Variants in HAPLN2 observed in about 807,000 individuals in gnomAD.
HAPLN2 encodes hyaluronan and proteoglycan link protein 2.
A neutral mutation model predicts 29.3 loss-of-function variants in HAPLN2; 27 were observed. That is an observed-to-expected ratio of 0.92 (90% CI 0.68 to 1.27). HAPLN2 has a LOEUF of 1.27. Among genes scored for constraint, HAPLN2 ranks in the 50% most tolerant of loss-of-function variants. The pLI, the probability that HAPLN2 is intolerant of heterozygous loss-of-function variation, is 0.00. For missense variants in HAPLN2, 454 were observed against 484.3 expected, an observed-to-expected ratio of 0.94 and a Z score of 0.59; for synonymous variants, 208 against 211.7, an observed-to-expected ratio of 0.98 and a Z score of 0.15.
In HAPLN2 at chr1:156,625,320, G is replaced by A. The variant is rs1280681143; in HGVS notation, c.959G>A (p.Arg320His). The change falls in exon 7 of 7, where the codon CGC (arginine) becomes CAC (histidine). Residue 320 changes from arginine to histidine, a missense_variant. Physicochemically the swap from Arg to His is conservative, Grantham distance 29 (BLOSUM62 0). This residue lies in a region of HAPLN2 where 235 missense variants were observed against 236.9 expected (regional missense o/e 0.99). Transcript: ENST00000255039. This position sits in a 1 kb window ranked among gnomAD's most constrained non-coding sequence, Gnocchi z 5.7. ...RCGGLPDPGV[R>H]SFGFPRPQQA... ...GGGGGGCTCCCGGATCCCGGAGTGC[G>A]CAGTTTCGGCTTCCCCAGGCCCCAA... The A allele has an allele frequency of 6.3e-7, 1 of 1,592,912 alleles. No homozygotes were observed. Among genetic ancestry groups the A allele is most frequent in the Non-Finnish European group, 8.5e-7 (1 of 1,170,742 alleles).
intron 5 of HAPLN2, 53 bp downstream of exon 5, chr1:156,624,520 C>G: frequency 6.2e-7 from 1 of 1,604,294 alleles, no homozygotes; most frequent in Non-Finnish European, 8.5e-7. Flanking sequence ...TCTCAGGGGC[C>G]CGAGAGAGGG....
In HAPLN2 at chr1:156,623,033, C is replaced by CAAAAAAA. The variant is rs1207919606; in HGVS notation, c.-24-433_-24-427dup. Among the ~76,000 whole-genome samples the CAAAAAAA allele has an allele frequency of 6.3e-4, 28 of 44,236 alleles. 1 individual carries two copies. Among genetic ancestry groups the CAAAAAAA allele is most frequent in the South Asian group, 1.8e-3 (2 of 1,082 alleles). 29.0% of individuals were successfully genotyped at this position (44,236 alleles called of 152,430 possible). A position where few individuals can be genotyped will look rare whatever the true frequency, so the allele number is the denominator to read the frequency against. On this transcript the variant is annotated intron_variant, in intron 2 of 6. Transcript: ENST00000255039. ...TGGACCATGGAGCAACACTCTGTCT[C>CAAAAAAA]AAAAAAATAAATAAATAAATAAATA... is the stretch of plus-strand genomic sequence containing the variant.
the HAPLN2 span, among the ~76,000 whole-genome samples, chr1:156,609,189 A>G: frequency 6.6e-6 from 1 of 152,126 alleles, no homozygotes; most frequent in Non-Finnish European, 1.5e-5. Context: ...GATCCCCTAA[A>G]CATGCACAGG....
rs1678355506 is a variant in HAPLN2, at chr1:156,624,114, C to T, written c.393C>T (p.Ile131=). Residue 131 remains isoleucine, a synonymous_variant, in exon 4 of 7, where the codon ATC becomes ATT. Coordinates refer to ENST00000255039, the MANE Select transcript of HAPLN2 (RefSeq NM_021817.3). The part of the protein sequence containing the change: ...EDEGRYRCEL[I]NGIEDESVAL... ...AGGGCCGGTACCGCTGCGAGCTCAT[C>T]AACGGCATCGAGGACGAGAGCGTGG... The T allele has an allele frequency of 1.9e-6, 3 of 1,613,726 alleles. No individual in the cohort carries two copies. Among genetic ancestry groups the T allele is most frequent in the Non-Finnish European group, 2.5e-6 (3 of 1,179,926 alleles).
At chr1:156,622,337 C>A (rs1438650725) in intron 2 of HAPLN2, among the ~76,000 whole-genome samples, 1 of 151,840 alleles carries the variant, frequency 6.6e-6, no homozygotes, top group Non-Finnish European at 1.5e-5. Flanking sequence ...GCCTGTAGTC[C>A]CAGCTACTCA....
the HAPLN2 span, among the ~76,000 whole-genome samples, chr1:156,602,742 G>T: frequency 1.3e-5 from 2 of 151,594 alleles, no homozygotes; most frequent in Non-Finnish European, 2.9e-5. Context: ...TGCCCTGTCG[G>T]TATGAGGATG....
the HAPLN2 span, among the ~76,000 whole-genome samples, chr1:156,606,476 A>G: frequency 6.8e-6 from 1 of 147,284 alleles, no homozygotes; most frequent in African/African-American, 2.5e-5. Context: ...TCAATTTAGC[A>G]TGAAGCCCTC....
In HAPLN2 at chr1:156,623,670, A is replaced by G. The variant is rs1678331745; in HGVS notation, c.85+95A>G. 3.2e-6 allele frequency: 5 copies of G among 1,559,410 alleles called. No individual in the cohort carries two copies. The East Asian group carries it at 1.2e-4, about 37-fold the overall frequency. On this transcript the variant is annotated intron_variant, in intron 3 of 6. Transcript: ENST00000255039. Reference sequence around the variant, plus strand: ...GGGCAGTTGTTGCAGGTACCCAGGGACTGAAAGTCATTGCTGAGAAGGCAA... The same window carrying G: ...GGGCAGTTGTTGCAGGTACCCAGGGGCTGAAAGTCATTGCTGAGAAGGCAA...
chr1:156,622,253 C>T (rs965118965), intron 2 of HAPLN2, among the ~76,000 whole-genome samples: 2 of 151,992 alleles, frequency 1.3e-5, no homozygotes, highest in African/African-American at 4.8e-5. Context: ...CAAGACCAGC[C>T]TGGGCAACAT....
chr1:156,611,170 C>T, the HAPLN2 span, among the ~76,000 whole-genome samples: 6 of 151,226 alleles, frequency 4.0e-5, no homozygotes, highest in Admixed American at 1.3e-4. Context: ...GTAATCCTAG[C>T]GACTCAGGAG....
the HAPLN2 span, among the ~76,000 whole-genome samples, chr1:156,607,097 A>G: frequency 3.3e-5 from 5 of 152,354 alleles, no homozygotes; most frequent in Non-Finnish European, 7.3e-5. Flanking sequence ...ATGGTCCTGA[A>G]TAAAGTCTGC....
chr1:156,612,330 A>G, the HAPLN2 span, among the ~76,000 whole-genome samples: 9 of 151,992 alleles, frequency 5.9e-5, no homozygotes, highest in Admixed American at 1.3e-4. Flanking sequence ...GCCAGTAAAC[A>G]TTTTCTGAAT....
chr1:156,623,906 C>G lies in HAPLN2; in HGVS notation c.185C>G (p.Thr62Arg). The part of the protein sequence containing the change: ...TATLPCVLGT[T>R]PPSYKVRWSK... Reference sequence around the variant, plus strand: ...ACGCTGCCCTGCGTCCTGGGCACCACGCCTCCCAGCTACAAGGTGCGCTGG... The same window carrying G: ...ACGCTGCCCTGCGTCCTGGGCACCAGGCCTCCCAGCTACAAGGTGCGCTGG... Residue 62 changes from threonine (T) to arginine (R), a missense_variant, in exon 4 of 7, where the codon ACG becomes AGG. Transcript: ENST00000255039. 6.2e-7 allele frequency: 1 copy of G among 1,600,002 alleles called. No individual in the cohort carries two copies. Among genetic ancestry groups the G allele is most frequent in the Non-Finnish European group, 8.5e-7 (1 of 1,173,318 alleles).
At chr1:156,601,512 T>C in the HAPLN2 span, 1 of 1,544,744 alleles carries the variant, frequency 6.5e-7, no homozygotes, top group African/African-American at 1.4e-5. Context: ...GTCGAAACCA[T>C]AGAGACGTCC....
Position 156,623,840 on chromosome 1 carries a change from C to A in HAPLN2, c.119C>A (p.Pro40His). 6.5e-7 allele frequency: 1 copy of A among 1,540,276 alleles called. No individual in the cohort carries two copies. The highest frequency in any genetic ancestry group is 2.0e-5 in the Admixed American group (1 of 50,836). ...SHPGPHYLLP[P>H]IHEVIHSHRG... Reference sequence around the variant, plus strand: ...CCGGGCCCCCACTACCTCCTGCCCCCCATCCACGAGGTCATTCACTCTCAT... The same window carrying A: ...CCGGGCCCCCACTACCTCCTGCCCCACATCCACGAGGTCATTCACTCTCAT... Residue 40 changes from proline to histidine, a missense_variant, in exon 4 of 7, where the codon CCC becomes CAC. Pro to His is a moderately conservative substitution (Grantham distance 77). Transcript: ENST00000255039.
At chr1:156,605,978 C>T in the HAPLN2 span, among the ~76,000 whole-genome samples, 1 of 151,956 alleles carries the variant, frequency 6.6e-6, no homozygotes, top group African/African-American at 2.4e-5. Flanking sequence ...AGTGAGACAT[C>T]GTCTCTACTA....
chr1:156,607,372 C>T, the HAPLN2 span, among the ~76,000 whole-genome samples: 11 of 151,860 alleles, frequency 7.2e-5, no homozygotes, highest in South Asian at 2.1e-4. Context: ...CCCAGCCACT[C>T]GGGAGGCTGA....
the HAPLN2 span, among the ~76,000 whole-genome samples, chr1:156,606,186 C>T: frequency 6.6e-6 from 1 of 152,200 alleles, no homozygotes; most frequent in South Asian, 2.1e-4. Context: ...ATCGCTTGAA[C>T]CCGGGAGGCG....
upstream of HAPLN2, among the ~76,000 whole-genome samples, chr1:156,618,704 G>A (rs899123485): frequency 5.3e-5 from 8 of 150,376 alleles, no homozygotes; most frequent in Non-Finnish European, 8.9e-5. Context: ...GCATGAACCC[G>A]GGAGTCGGAG....
Sources: allele counts gnomAD v4.1 joint callset (sites outside exome capture counted in the v4.1 genomes callset), GRCh38; gene constraint gnomAD v4.1.1; regional missense constraint gnomAD v4.1.1; non-coding constraint Gnocchi (gnomAD v3.1); transcripts MANE v1.5; gene names NCBI Gene and HGNC (gene_info 2026-07-23, HGNC 2026-07-21).